Variants in PALLD observed in about 807,000 individuals in gnomAD.
PALLD encodes palladin, cytoskeletal associated protein.
Under a neutral mutation model 123.5 loss-of-function variants are expected in PALLD, and 61 were observed. The ratio of observed to expected loss-of-function variants is 0.49; its 90% CI spans 0.40 to 0.61. PALLD has a LOEUF of 0.61. Ranked by LOEUF, PALLD falls within the 20% of genes least tolerant of loss-of-function variation. PALLD has a pLI of 0.00. For synonymous variants in PALLD, 465 were observed against 496.4 expected (o/e 0.94, Z 0.84); for missense variants, 1,273 against 1,377.0 (o/e 0.92, Z 1.20).
chr4:168,546,729 T>G (rs1248050083), intron 2 of PALLD, among the ~76,000 whole-genome samples: 2 of 152,196 alleles, frequency 1.3e-5, no homozygotes, highest in Non-Finnish European at 1.5e-5. Context: ...CTGTCCCACT[T>G]AAAATGTGAG....
At chr4:168,646,559 A>G (rs939834830) in intron 2 of PALLD, among the ~76,000 whole-genome samples, 1 of 152,220 alleles carries the variant, frequency 6.6e-6, no homozygotes, top group South Asian at 2.1e-4. Flanking sequence ...AAATATACTT[A>G]AAGTGGTCTC....
intron 10 of PALLD, among the ~76,000 whole-genome samples, chr4:168,815,318 C>T (rs1324408690): frequency 2.0e-5 from 3 of 152,208 alleles, no homozygotes; most frequent in Non-Finnish European, 4.4e-5. Flanking sequence ...TCCATGTGCT[C>T]TAAAACCTAA....
intron 2 of PALLD, among the ~76,000 whole-genome samples, chr4:168,652,339 T>G (rs1561351609): frequency 6.6e-6 from 1 of 152,250 alleles, no homozygotes; most frequent in Non-Finnish European, 1.5e-5. Context: ...ATAAATTTCA[T>G]GAAACTGATT....
chr4:168,671,484 A>G (rs940641596), intron 3 of PALLD, among the ~76,000 whole-genome samples: 7 of 152,224 alleles, frequency 4.6e-5, no homozygotes, highest in Non-Finnish European at 1.0e-4. Flanking sequence ...GACTATAGAT[A>G]GATCGTATGT....
chr4:168,794,834 G>A (rs1266935568), intron 10 of PALLD, among the ~76,000 whole-genome samples: 4 of 152,190 alleles, frequency 2.6e-5, no homozygotes, highest in African/African-American at 7.2e-5. Context: ...TAGTAGTAGT[G>A]GTAGTCATAG....
chr4:168,781,977 C>A (rs1462630657), intron 10 of PALLD, among the ~76,000 whole-genome samples: 1 of 152,078 alleles, frequency 6.6e-6, no homozygotes, highest in Non-Finnish European at 1.5e-5. Context: ...CCCATCAGAG[C>A]TAAATGCTGT....
chr4:168,872,394 A>G (rs1048034469), intron 10 of PALLD, among the ~76,000 whole-genome samples: 3 of 152,242 alleles, frequency 2.0e-5, no homozygotes, highest in African/African-American at 7.2e-5. Flanking sequence ...TTGTTTGGAA[A>G]GTCAGCACAA....
chr4:168,520,647 A>G (rs1580107032), intron 2 of PALLD, among the ~76,000 whole-genome samples: 1 of 152,212 alleles, frequency 6.6e-6, no homozygotes, highest in African/African-American at 2.4e-5. Flanking sequence ...ATAATTCAGA[A>G]TCCAGCAAGC....
chr4:168,835,881 T>C (rs1745111318), intron 10 of PALLD, among the ~76,000 whole-genome samples: 1 of 152,048 alleles, frequency 6.6e-6, no homozygotes, highest in African/African-American at 2.4e-5. Context: ...TTTTAATGAA[T>C]AGAAAACAGT....
chr4:168,686,903 A>T (rs189192211), intron 6 of PALLD, among the ~76,000 whole-genome samples: 32 of 152,310 alleles, frequency 2.1e-4, no homozygotes, highest in Non-Finnish European at 3.5e-4. Flanking sequence ...AGTAATTAGG[A>T]CAGTATGGTA....
At chr4:168,499,813 T>C (rs1157778688) in intron 1 of PALLD, among the ~76,000 whole-genome samples, 1 of 152,238 alleles carries the variant, frequency 6.6e-6, no homozygotes, top group Non-Finnish European at 1.5e-5. Flanking sequence ...CTGCTGAATG[T>C]GGTACATGGT....
chr4:168,533,339 G>A (rs1173331479), intron 2 of PALLD, among the ~76,000 whole-genome samples: 1 of 152,168 alleles, frequency 6.6e-6, no homozygotes, highest in Non-Finnish European at 1.5e-5. Context: ...AACAGTCACT[G>A]ACGAGAAACT....
intron 10 of PALLD, among the ~76,000 whole-genome samples, chr4:168,840,947 G>A (rs1745949561): frequency 6.6e-6 from 1 of 151,992 alleles, no homozygotes; most frequent in Admixed American, 6.6e-5. Flanking sequence ...GCCTCCCAGG[G>A]TCAAGCAATT....
intron 10 of PALLD, among the ~76,000 whole-genome samples, chr4:168,885,111 C>T (rs1753158428): frequency 6.6e-6 from 1 of 152,188 alleles, no homozygotes; most frequent in African/African-American, 2.4e-5. Context: ...TCTTCTTCTC[C>T]ACTCTACTTG....
chr4:168,884,590 C>T (rs1753083859), intron 10 of PALLD, among the ~76,000 whole-genome samples: 1 of 152,138 alleles, frequency 6.6e-6, no homozygotes. Flanking sequence ...CCATTCTTTT[C>T]TCTTATCTCT....
intron 2 of PALLD, among the ~76,000 whole-genome samples, chr4:168,635,095 G>A (rs976165287): frequency 6.6e-6 from 1 of 152,208 alleles, no homozygotes; most frequent in Admixed American, 6.5e-5. Flanking sequence ...AGCTTGGGAA[G>A]CCATCAGTTA....
intron 2 of PALLD, among the ~76,000 whole-genome samples, chr4:168,628,922 G>A (rs1775555384): frequency 6.6e-6 from 1 of 151,884 alleles, no homozygotes; most frequent in South Asian, 2.1e-4. Context: ...CCAAACAAAT[G>A]AATTAATGAA....
At chr4:168,570,944 A>G (rs1004366453) in intron 2 of PALLD, among the ~76,000 whole-genome samples, 1 of 152,182 alleles carries the variant, frequency 6.6e-6, no homozygotes, top group Non-Finnish European at 1.5e-5. Flanking sequence ...AAAGAGGTGA[A>G]TATAAATCTA....
intron 2 of PALLD, among the ~76,000 whole-genome samples, chr4:168,609,129 A>AACAT (rs1366657836): frequency 3.7e-4 from 56 of 152,236 alleles, no homozygotes; most frequent in Admixed American, 3.2e-3. Flanking sequence ...GGCTCGGGTC[A>AACAT]AGATACATAT....
Sources: gnomAD v4.1 joint callset for allele counts (sites outside exome capture counted in the v4.1 genomes callset) on GRCh38, gnomAD v4.1.1 for gene constraint, MANE v1.5 for transcripts, NCBI Gene and HGNC (gene_info 2026-07-23, HGNC 2026-07-21) for gene names.